Variants in FHAD1 observed in about 807,000 individuals in gnomAD.
FHAD1 encodes forkhead associated phosphopeptide binding domain 1.
Under a neutral mutation model 191.3 loss-of-function variants are expected in FHAD1, and 146 were observed. The ratio of observed to expected loss-of-function variants is 0.76; its 90% CI spans 0.67 to 0.88. The LOEUF (loss-of-function observed/expected upper bound fraction) is 0.88. Among genes scored for constraint, FHAD1 ranks in the 40% least tolerant of loss-of-function variants. FHAD1 has a pLI of 0.00. For synonymous variants in FHAD1, 616 were observed against 672.3 expected (o/e 0.92, Z 1.29); for missense variants, 1,635 against 1,785.8 (o/e 0.92, Z 1.52).
At chr1:15,363,223 C>G (rs1405426545) in intron 23 of FHAD1, among the ~76,000 whole-genome samples, 1 of 152,186 alleles carries the variant, frequency 6.6e-6, no homozygotes, top group Admixed American at 6.5e-5. Context: ...CGTGCTAACT[C>G]AGGTCTCCCT....
At chr1:15,272,044 C>T (rs564018802) in intron 2 of FHAD1, among the ~76,000 whole-genome samples, 1 of 152,328 alleles carries the variant, frequency 6.6e-6, no homozygotes, top group East Asian at 1.9e-4. Context: ...CCCAAGATCC[C>T]TTTGCCTTTG....
intron 16 of FHAD1, among the ~76,000 whole-genome samples, chr1:15,343,409 G>C (rs1687582231): frequency 1.4e-5 from 2 of 146,460 alleles, no homozygotes; most frequent in Admixed American, 1.4e-4. Context: ...ACTCTTCCCA[G>C]ATATCTCCTC....
At chr1:15,313,209 ACCTT>A in intron 8 of FHAD1, 22 bp downstream of exon 8, 1 of 1,550,146 alleles carries the variant, frequency 6.5e-7, no homozygotes, top group East Asian at 2.4e-5. Flanking sequence ...TGACTGCGTC[ACCTT>A]GTAGCCATCC....
At chr1:15,290,924 C>A (rs145421654) in intron 4 of FHAD1, among the ~76,000 whole-genome samples, 2,553 of 151,998 alleles carry the variant, frequency 0.017, 89 homozygotes, top group East Asian at 0.13. Flanking sequence ...CCATGTTAGC[C>A]AGGATGGTCT....
chr1:15,280,040 G>A (rs1447631765), intron 3 of FHAD1, among the ~76,000 whole-genome samples: 4 of 152,184 alleles, frequency 2.6e-5, no homozygotes, highest in African/African-American at 9.7e-5. Flanking sequence ...AGGAAGTAGC[G>A]TGGCTTGTTT....
At chr1:15,306,708 T>C (rs1423795942) in intron 6 of FHAD1, among the ~76,000 whole-genome samples, 1 of 152,252 alleles carries the variant, frequency 6.6e-6, no homozygotes, top group Non-Finnish European at 1.5e-5. Context: ...AGCTTCCACA[T>C]GGTGTTGAGC....
chr1:15,286,818 G>A (rs114002263), intron 3 of FHAD1, among the ~76,000 whole-genome samples: 146 of 152,304 alleles, frequency 9.6e-4, no homozygotes, highest in African/African-American at 3.4e-3. Flanking sequence ...CAGGAGACAC[G>A]CTCACTCCCA....
At chr1:15,238,470 T>C (rs1645020227) in intron 1 of FHAD1, among the ~76,000 whole-genome samples, 1 of 152,132 alleles carries the variant, frequency 6.6e-6, no homozygotes, top group South Asian at 2.1e-4. Context: ...ACCAAGGCCT[T>C]CTGGAATTTG....
At chr1:15,303,169 G>A (rs1405917584) in intron 6 of FHAD1, among the ~76,000 whole-genome samples, 1 of 152,194 alleles carries the variant, frequency 6.6e-6, no homozygotes, top group Non-Finnish European at 1.5e-5. Context: ...GTTCCAATGA[G>A]GGGGACAGAG....
At position 15,308,161 on chromosome 1, in the gene FHAD1, G is replaced by A. The variant is rs1049595083; in HGVS notation, c.916-452G>A. On this transcript the variant is annotated intron_variant, in intron 6 of 33. Coordinates refer to ENST00000688493, the MANE Select transcript of FHAD1 (RefSeq NM_001391957.1). Reference sequence around the variant, plus strand: ...TGTTGAAGGAGTAGTGTCTGTGAGTGGGCTTTGTAGGTTCTAGAGTGTTCT... The same window carrying A: ...TGTTGAAGGAGTAGTGTCTGTGAGTAGGCTTTGTAGGTTCTAGAGTGTTCT... Among the ~76,000 whole-genome samples, 89 of 152,322 alleles carry A rather than the reference G, an allele frequency of 5.8e-4. 1 individual carries two copies. Among genetic ancestry groups the A allele is most frequent in the African/African-American group, 1.9e-3 (79 of 41,560 alleles).
chr1:15,250,255 C>T (rs555791793), intron 1 of FHAD1, among the ~76,000 whole-genome samples: 4 of 152,334 alleles, frequency 2.6e-5, no homozygotes, highest in South Asian at 2.1e-4. Context: ...AATCTCAAAT[C>T]GGATTCAAGC....
downstream of FHAD1, among the ~76,000 whole-genome samples, chr1:15,399,620 A>T (rs1883426): frequency 0.75 from 113,469 of 151,960 alleles, 42,998 homozygotes; most frequent in African/African-American, 0.86. Context: ...TTACAAATAC[A>T]CTAGAAAATC....
chr1:15,393,420 A>G lies in FHAD1; in HGVS notation c.4323+2157A>G, dbSNP rs374600344. Among the ~76,000 whole-genome samples, 607 of 133,786 alleles carry G rather than the reference A, an allele frequency of 4.5e-3. 6 individuals are homozygous for G. The highest frequency in any genetic ancestry group is 0.019 in the African/African-American group (542 of 28,896). The allele number at this position is 133,786 out of a possible 152,430, so 87.8% of individuals were successfully genotyped here. Reference sequence around the variant, plus strand: ...GCCATATCTACATAGATGTGGACACACACACACACGCACACACACACACAC... The same window carrying G: ...GCCATATCTACATAGATGTGGACACGCACACACACGCACACACACACACAC... On this transcript the variant is annotated intron_variant, in intron 33 of 33. Coordinates refer to ENST00000688493, the MANE Select transcript of FHAD1 (RefSeq NM_001391957.1).
chr1:15,359,791 A>G (rs1558221208), intron 21 of FHAD1, among the ~76,000 whole-genome samples: 3 of 151,498 alleles, frequency 2.0e-5, no homozygotes, highest in Admixed American at 1.3e-4. Flanking sequence ...TCTACTAAAA[A>G]TGCAAGAAAA....
upstream of FHAD1, among the ~76,000 whole-genome samples, chr1:15,243,149 C>T (rs553273614): frequency 1.6e-4 from 24 of 152,276 alleles, no homozygotes; most frequent in African/African-American, 5.1e-4. Flanking sequence ...CGACATGAGA[C>T]GAAGCTCCAT....
rs927175364 is a variant in FHAD1 at position 15,327,038 on chromosome 1, G to A, written c.1474-21G>A. 1.9e-5 allele frequency: 29 copies of A among 1,529,094 alleles called. No individual in the cohort carries two copies. The Admixed American group carries it at 5.5e-4, about 29-fold the overall frequency. The allele number at this position is 1,529,094 out of a possible 1,614,324, so 94.7% of individuals were successfully genotyped here. On this transcript the variant is annotated intron_variant, in intron 11 of 33. Coordinates refer to ENST00000688493, the MANE Select transcript of FHAD1 (RefSeq NM_001391957.1). This position sits in a 1 kb window ranked among gnomAD's most constrained non-coding sequence, Gnocchi z 5.1. ...CGGCCCCTGCTGACCCCCTGACACT[G>A]TTGCCCCCTCTCTGCTGCAGCTGGA... is the stretch of plus-strand genomic sequence containing the variant.
chr1:15,286,354 T>A (rs1488604228), intron 3 of FHAD1, among the ~76,000 whole-genome samples: 1 of 151,900 alleles, frequency 6.6e-6, no homozygotes, highest in East Asian at 1.9e-4. Flanking sequence ...AATACAAAAT[T>A]TAGCTGGGCC....
At chr1:15,292,474 C>T (rs965356650) in intron 4 of FHAD1, among the ~76,000 whole-genome samples, 1 of 152,240 alleles carries the variant, frequency 6.6e-6, no homozygotes, top group African/African-American at 2.4e-5. Flanking sequence ...GCTGGGACTA[C>T]AGGCGCCCGC....
chr1:15,372,057 G>A (rs1698249684), intron 26 of FHAD1, among the ~76,000 whole-genome samples: 1 of 152,200 alleles, frequency 6.6e-6, no homozygotes, highest in African/African-American at 2.4e-5. Context: ...AACAAGCCAA[G>A]ATCAAGTAAA....
Sources: gnomAD v4.1 joint callset for allele counts (sites outside exome capture counted in the v4.1 genomes callset) on GRCh38, gnomAD v4.1.1 for gene constraint, Gnocchi (gnomAD v3.1) non-coding constraint, MANE v1.5 for transcripts, NCBI Gene and HGNC (gene_info 2026-07-23, HGNC 2026-07-21) for gene names.